Variants in FIG4 observed in about 807,000 individuals in gnomAD.
FIG4 encodes the protein FIG4 phosphoinositide 5-phosphatase, also known as polyphosphoinositide phosphatase.
FIG4 carries 112 observed loss-of-function variants against 118.6 expected under a neutral mutation model. That is an observed-to-expected ratio of 0.94 (90% CI 0.81 to 1.11). The LOEUF (loss-of-function observed/expected upper bound fraction) is 1.11, where lower values mean the gene tolerates loss of function less well. Ranked by LOEUF, FIG4 falls within the 50% of genes least tolerant of loss-of-function variation. The pLI is 0.00. For synonymous variants in FIG4, 369 were observed against 381.2 expected (o/e 0.97, Z 0.37); for missense variants, 969 against 1,111.7 (o/e 0.87, Z 1.83).
intron 16 of FIG4, among the ~76,000 whole-genome samples, chr6:109,779,326 C>A (rs957901067): frequency 2.6e-5 from 4 of 152,144 alleles, no homozygotes; most frequent in African/African-American, 9.7e-5. Flanking sequence ...ATAATTTAAA[C>A]CCCTTGCTCA....
intron 10 of FIG4, among the ~76,000 whole-genome samples, chr6:109,748,783 C>T (rs182939921): frequency 2.0e-5 from 3 of 152,106 alleles, no homozygotes; most frequent in Non-Finnish European, 4.4e-5. Flanking sequence ...GAGAACCAAG[C>T]GAAAAGAGAA....
In FIG4 at chr6:109,691,519, G is replaced by A. The variant is rs1381893795; in HGVS notation, c.66+18G>A. 1.9e-6 allele frequency: 3 copies of A among 1,562,974 alleles called. No homozygotes were observed. Among genetic ancestry groups the A allele is most frequent in the Non-Finnish European group, 2.6e-6 (3 of 1,152,666 alleles). ...CTAGAGCTGTGAGTACCCCCTCGCG[G>A]CGGGGCGCAGGCGGGAGGATGGATG... On this transcript the variant is annotated intron_variant, in intron 1 of 22. Coordinates refer to ENST00000230124, the MANE Select transcript of FIG4 (RefSeq NM_014845.6).
chr6:109,714,467 C>T (rs1045862455), intron 1 of FIG4, among the ~76,000 whole-genome samples: 1 of 152,096 alleles, frequency 6.6e-6, no homozygotes, highest in Non-Finnish European at 1.5e-5. Flanking sequence ...TTTAATAAGA[C>T]TAATGTGATT....
Position 109,796,763 on chromosome 6 carries a change from A to G in FIG4, c.2460-2A>G, listed in dbSNP as rs1458183004. 1.2e-5 allele frequency: 19 copies of G among 1,588,696 alleles called. No individual in the cohort carries two copies. The highest frequency in any genetic ancestry group is 1.6e-5 in the Non-Finnish European group (19 of 1,156,968). ...CTGACTCTTATCCATTGTAATTTGTAGATTTGTTCAGCTGGGGCAGAGTCA... is the reference window on the plus strand; with the variant it reads ...CTGACTCTTATCCATTGTAATTTGTGGATTTGTTCAGCTGGGGCAGAGTCA... On this transcript the variant is annotated splice_acceptor_variant, in intron 21 of 22. Coordinates refer to ENST00000230124, the MANE Select transcript of FIG4 (RefSeq NM_014845.6). LOFTEE classifies it high-confidence loss of function.
intron 1 of FIG4, among the ~76,000 whole-genome samples, chr6:109,709,709 C>CT (rs1193054052): frequency 6.6e-6 from 1 of 151,998 alleles, no homozygotes; most frequent in African/African-American, 2.4e-5. Context: ...GTGTTTTATT[C>CT]TTTTTTGTGG....
At position 109,712,045 on chromosome 6, in the gene FIG4, G is replaced by C. The variant is rs143927824; in HGVS notation, c.67-3033G>C. Among the ~76,000 whole-genome samples, 653 of 152,336 alleles carry C rather than the reference G, an allele frequency of 4.3e-3. 7 individuals are homozygous for C. In the South Asian group the frequency reaches 0.056, roughly 13 times the overall value. On this transcript the variant is annotated intron_variant, in intron 1 of 22. Transcript: ENST00000230124. ...GGTTTGGCTGCATATGAAATTCTGA[G>C]TTGGAAATTCTTTTCTTCAAGAAGG...
chr6:109,739,380 C>G (rs1221968255), intron 7 of FIG4, among the ~76,000 whole-genome samples: 1 of 152,022 alleles, frequency 6.6e-6, no homozygotes, highest in African/African-American at 2.4e-5. Flanking sequence ...TTTCTATCAC[C>G]TTTTGAGATC....
chr6:109,751,891 G>A (rs1233311408), intron 10 of FIG4, among the ~76,000 whole-genome samples: 4 of 146,690 alleles, frequency 2.7e-5, no homozygotes, highest in South Asian at 2.2e-4. Context: ...ACAATGTGCC[G>A]ATTAGTTACA....
At chr6:109,691,679 C>T (rs1774428220) in intron 1 of FIG4, among the ~76,000 whole-genome samples, 178 bp downstream of exon 1, 1 of 152,194 alleles carries the variant, frequency 6.6e-6, no homozygotes, top group Non-Finnish European at 1.5e-5. Flanking sequence ...GGCGCCTTTC[C>T]CCTATTTTGG....
intron 22 of FIG4, among the ~76,000 whole-genome samples, chr6:109,815,496 C>CTCT (rs58181285): frequency 1.9e-5 from 2 of 106,488 alleles, no homozygotes; most frequent in Non-Finnish European, 1.7e-5. Flanking sequence ...CTCCAGGCTG[C>CTCT]CCCCCCCACC....
At chr6:109,783,057 G>A (rs1367002041) in intron 16 of FIG4, among the ~76,000 whole-genome samples, 4 of 152,164 alleles carry the variant, frequency 2.6e-5, no homozygotes, top group African/African-American at 9.7e-5. Context: ...AGTGGGAGCT[G>A]AATGATGAGA....
At chr6:109,771,660 G>A (rs2128393702) in intron 15 of FIG4, among the ~76,000 whole-genome samples, 2 of 151,946 alleles carry the variant, frequency 1.3e-5, no homozygotes, top group South Asian at 4.2e-4. Context: ...AGTAGAGACG[G>A]GGTTTCACCA....
intron 22 of FIG4, among the ~76,000 whole-genome samples, chr6:109,817,406 C>T (rs774387004): frequency 3.3e-5 from 5 of 152,058 alleles, no homozygotes; most frequent in Non-Finnish European, 7.4e-5. Flanking sequence ...ACAATGTGTC[C>T]AGCATATGGG....
rs906822341 is a variant in FIG4 at position 109,750,312 on chromosome 6, A to G, written c.1137+6540A>G. The stretch of plus-strand genomic sequence containing the variant: ...GAAGTTTTTAATCTGTGGGCCATGC[A>G]TGGCTGTTAGGGGGATCTTGGAACC... On this transcript the variant is annotated intron_variant, in intron 10 of 22. Coordinates refer to ENST00000230124, the MANE Select transcript of FIG4 (RefSeq NM_014845.6). Among the ~76,000 whole-genome samples, 4 of 152,134 alleles carry G rather than the reference A, an allele frequency of 2.6e-5. 1 individual carries two copies. Among genetic ancestry groups the G allele is most frequent in the African/African-American group, 9.7e-5 (4 of 41,428 alleles).
chr6:109,719,189 G>A (rs1013631740), intron 3 of FIG4, among the ~76,000 whole-genome samples: 4 of 152,176 alleles, frequency 2.6e-5, no homozygotes, highest in African/African-American at 9.6e-5. Context: ...AAAGTGCTGG[G>A]ATTGCAGATG....
chr6:109,758,723 A>G (rs1170287261), intron 10 of FIG4, among the ~76,000 whole-genome samples: 2 of 152,230 alleles, frequency 1.3e-5, no homozygotes, highest in African/African-American at 4.8e-5. Context: ...ACAAAGGGCT[A>G]CTATCCAGAA....
At chr6:109,765,378 G>A (rs1217394638) in intron 14 of FIG4, among the ~76,000 whole-genome samples, 1 of 151,988 alleles carries the variant, frequency 6.6e-6, no homozygotes, top group African/African-American at 2.4e-5. Context: ...TCTTGAGTTG[G>A]TTTTTGTATA....
chr6:109,731,543 T>C (rs1776000988), intron 4 of FIG4, among the ~76,000 whole-genome samples: 1 of 152,152 alleles, frequency 6.6e-6, no homozygotes, highest in African/African-American at 2.4e-5. Flanking sequence ...AGATTGAAAA[T>C]ACTTGAAAAA....
intron 10 of FIG4, among the ~76,000 whole-genome samples, chr6:109,758,058 G>C (rs1776976733): frequency 6.6e-6 from 1 of 152,184 alleles, no homozygotes; most frequent in African/African-American, 2.4e-5. Context: ...TAGATTCAGT[G>C]CTATCCCCAT....
Sources: gnomAD v4.1 joint callset for allele counts (sites outside exome capture counted in the v4.1 genomes callset) on GRCh38, gnomAD v4.1.1 for gene constraint, MANE v1.5 for transcripts, NCBI Gene and HGNC (gene_info 2026-07-23, HGNC 2026-07-21) for gene names.